The following CREB5 variants were observed in gnomAD, a reference collection of about 807,000 sequenced individuals.
CREB5 encodes the protein cAMP responsive element binding protein 5, also known as cyclic AMP-responsive element-binding protein 5.
Under a neutral mutation model 57.1 loss-of-function variants are expected in CREB5, and 19 were observed. The ratio of observed to expected loss-of-function variants is 0.33; its 90% CI spans 0.23 to 0.49. CREB5 has a LOEUF of 0.49. Among genes scored for constraint, CREB5 ranks in the 20% least tolerant of loss-of-function variants. The pLI is 0.99. For missense variants in CREB5, 579 were observed against 671.6 expected (o/e 0.86, Z 1.52); for synonymous variants, 238 against 238.3 (o/e 1.00, Z 0.01).
At chr7:28,656,593 G>A (rs549392271) in intron 5 of CREB5, among the ~76,000 whole-genome samples, 246 of 152,238 alleles carry the variant, frequency 1.6e-3, no homozygotes, top group Middle Eastern at 6.8e-3. Context: ...TTCCAACAAG[G>A]CTAATTGGCC....
chr7:28,546,422 G>C (rs1174929027), intron 4 of CREB5, among the ~76,000 whole-genome samples: 3 of 152,148 alleles, frequency 2.0e-5, no homozygotes, highest in Non-Finnish European at 4.4e-5. Context: ...TGGAATTTCT[G>C]GGTCATGTGG....
chr7:28,560,978 G>GCA lies in CREB5; in HGVS notation c.292-9387_292-9386insCA. On this transcript the variant is annotated intron_variant, in intron 4 of 10. Transcript: ENST00000357727. Reference sequence around the variant, plus strand: ...TGTGTGTGCGTGTGTGTGTGCGTGTGTGCGTGCGTGTGTGTGCCTGCGTGT... The same window carrying GCA: ...TGTGTGTGCGTGTGTGTGTGCGTGTGCATGCGTGCGTGTGTGTGCCTGCGTGT... 3.4e-5 allele frequency among the ~76,000 whole-genome samples: 2 copies of GCA among 57,994 alleles called. 1 individual carries two copies. The highest frequency in any genetic ancestry group is 8.7e-5 in the African/African-American group (2 of 22,980). The allele number at this position is 57,994 out of a possible 152,430, so 38.0% of individuals were successfully genotyped here.
rs1479604336 is a variant in CREB5 at position 28,640,419 on chromosome 7, AAT to A, written c.464+69884_464+69885del. Among the ~76,000 whole-genome samples the A allele has an allele frequency of 1.3e-5, 2 of 152,210 alleles. 1 individual carries two copies. The highest frequency in any genetic ancestry group is 6.3e-3 in the Middle Eastern group (2 of 316). On this transcript the variant is annotated intron_variant, in intron 5 of 10. Transcript: ENST00000357727. ...ATCTTTCAAAAACCAACAACGCAAA[AAT>A]AAGAATTTCAGCAACAACTAACAAA...
intron 5 of CREB5, among the ~76,000 whole-genome samples, chr7:28,655,203 C>T (rs918001235): frequency 3.3e-5 from 5 of 152,128 alleles, no homozygotes; most frequent in Admixed American, 1.3e-4. Context: ...GTGTGAGGCA[C>T]CATCCTGTTT....
At chr7:28,671,297 T>A (rs2128719178) in intron 5 of CREB5, among the ~76,000 whole-genome samples, 1 of 152,014 alleles carries the variant, frequency 6.6e-6, no homozygotes, top group East Asian at 1.9e-4. Flanking sequence ...ATTGGTTGAG[T>A]TTTTTTAGTG....
intron 7 of CREB5, chr7:28,749,542 G>A (rs771412051): frequency 6.6e-6 from 1 of 152,222 alleles, no homozygotes; most frequent in Non-Finnish European, 1.5e-5. Context: ...TATTGAACAA[G>A]AAATCACTGG....
intron 5 of CREB5, among the ~76,000 whole-genome samples, chr7:28,688,551 A>G (rs1801070107): frequency 6.6e-6 from 1 of 152,150 alleles, no homozygotes; most frequent in South Asian, 2.1e-4. Flanking sequence ...GAAAAGCAAA[A>G]CCGTATGTGC....
chr7:28,323,280 C>T (rs78071961), intron 1 of CREB5, among the ~76,000 whole-genome samples: 6,797 of 152,266 alleles, frequency 0.045, 501 homozygotes, highest in African/African-American at 0.16. Flanking sequence ...AATCCTTGCC[C>T]TCAAATCTCA....
intron 1 of CREB5, among the ~76,000 whole-genome samples, chr7:28,319,387 A>G (rs1226217335): frequency 5.3e-5 from 8 of 152,158 alleles, no homozygotes; most frequent in African/African-American, 9.7e-5. Context: ...TTACCCCTCA[A>G]TGTTGGCAAG....
At chr7:28,735,907 C>A (rs929798769) in intron 7 of CREB5, among the ~76,000 whole-genome samples, 3 of 151,832 alleles carry the variant, frequency 2.0e-5, no homozygotes, top group African/African-American at 7.3e-5. Context: ...TGAGCTCAAG[C>A]GATTCTCCCA....
chr7:28,384,269 G>C (rs1402473818), intron 1 of CREB5, among the ~76,000 whole-genome samples: 4 of 152,208 alleles, frequency 2.6e-5, no homozygotes, highest in Non-Finnish European at 5.9e-5. Flanking sequence ...TGCTGGTGGA[G>C]AGCGAGTGCA....
At chr7:28,434,490 A>G (rs542858594) in intron 1 of CREB5, among the ~76,000 whole-genome samples, 1 of 152,304 alleles carries the variant, frequency 6.6e-6, no homozygotes, top group Middle Eastern at 3.4e-3. Flanking sequence ...TAGAAACAAC[A>G]GTATTTTAAA....
intron 1 of CREB5, among the ~76,000 whole-genome samples, chr7:28,417,372 T>C (rs568397501): frequency 6.0e-4 from 91 of 151,136 alleles, no homozygotes; most frequent in Non-Finnish European, 1.2e-3. Flanking sequence ...TTTTTGGTAC[T>C]AAATCTTTGA....
chr7:28,802,946 G>A (rs1189642620), intron 7 of CREB5, among the ~76,000 whole-genome samples: 3 of 152,202 alleles, frequency 2.0e-5, no homozygotes, highest in Admixed American at 2.0e-4. Flanking sequence ...TCAGAACATA[G>A]CAGATTCATT....
intron 1 of CREB5, among the ~76,000 whole-genome samples, chr7:28,316,330 A>G (rs1325344377): frequency 6.6e-6 from 1 of 152,166 alleles, no homozygotes; most frequent in Non-Finnish European, 1.5e-5. Context: ...GGAGCCAGGG[A>G]AATGCCTGAC....
At chr7:28,813,845 A>G (rs534431478) in intron 9 of CREB5, among the ~76,000 whole-genome samples, 30 of 152,334 alleles carry the variant, frequency 2.0e-4, no homozygotes, top group African/African-American at 7.2e-4. Flanking sequence ...TAAACAGCTA[A>G]CTGCTTTAGA....
intron 4 of CREB5, among the ~76,000 whole-genome samples, chr7:28,523,319 C>T (rs1327466771): frequency 6.6e-6 from 1 of 152,186 alleles, no homozygotes; most frequent in Non-Finnish European, 1.5e-5. Flanking sequence ...CTCCCTATAC[C>T]TATGCCCAGC....
intron 4 of CREB5, among the ~76,000 whole-genome samples, chr7:28,538,148 G>A (rs555205635): frequency 1.3e-5 from 2 of 152,192 alleles, no homozygotes; most frequent in East Asian, 3.9e-4. Flanking sequence ...CTGTCTCCCG[G>A]GTCCAAGTGA....
rs747603246 is a variant in CREB5, at chr7:28,557,894, C to G, written c.292-12471C>G. Reference sequence around the variant, plus strand: ...GCATGCAGGTTTCTGGAGCACCTTACGGGAACTGTGAAAATGAAAACTACC... The same window carrying G: ...GCATGCAGGTTTCTGGAGCACCTTAGGGGAACTGTGAAAATGAAAACTACC... On this transcript the variant is annotated intron_variant, in intron 4 of 10. Transcript: ENST00000357727. Among the ~76,000 whole-genome samples, 4 of 152,012 alleles carry G rather than the reference C, an allele frequency of 2.6e-5. No homozygotes were observed. In the East Asian group the frequency reaches 5.8e-4, roughly 22 times the overall value.
Sources: gnomAD v4.1 joint callset for allele counts (sites outside exome capture counted in the v4.1 genomes callset) on GRCh38, gnomAD v4.1.1 for gene constraint, MANE v1.5 for transcripts, NCBI Gene and HGNC (gene_info 2026-07-23, HGNC 2026-07-21) for gene names.